The following CDH13 variants were observed in gnomAD, a reference collection of about 807,000 sequenced individuals.
The protein encoded by CDH13 is cadherin 13.
In CDH13, 24 loss-of-function variants were observed where a neutral mutation model predicts 63.8. The observed-to-expected ratio is 0.38, with a 90% CI of 0.27 to 0.53. The LOEUF (loss-of-function observed/expected upper bound fraction) is 0.53. Ranked by LOEUF, CDH13 falls within the 20% of genes least tolerant of loss-of-function variation. The pLI, the probability that CDH13 is intolerant of heterozygous loss-of-function variation, is 0.85. For missense variants in CDH13, 1,049 were observed against 903.1 expected, an observed-to-expected ratio of 1.16 and a Z score of -2.07; for synonymous variants, 503 against 355.3, an observed-to-expected ratio of 1.42 and a Z score of -4.67.
intron 6 of CDH13, among the ~76,000 whole-genome samples, chr16:83,441,263 G>A (rs957043574): frequency 6.6e-6 from 1 of 152,062 alleles, no homozygotes; most frequent in African/African-American, 2.4e-5. Context: ...GTACCACTCT[G>A]GTAATGAAAT....
intron 6 of CDH13, among the ~76,000 whole-genome samples, chr16:83,348,363 A>G (rs918139359): frequency 2.0e-5 from 3 of 152,212 alleles, no homozygotes; most frequent in Admixed American, 6.5e-5. Flanking sequence ...TGAAATAGCC[A>G]GGCCCATTGA....
intron 5 of CDH13, among the ~76,000 whole-genome samples, chr16:83,233,267 A>G (rs1219006148): frequency 1.3e-5 from 2 of 152,180 alleles, no homozygotes; most frequent in East Asian, 3.8e-4. Flanking sequence ...CCCACAGGCT[A>G]TGCGTGAAGC....
intron 5 of CDH13, among the ~76,000 whole-genome samples, chr16:83,280,245 T>A (rs796258980): frequency 2.8e-4 from 43 of 152,350 alleles, no homozygotes; most frequent in African/African-American, 1.0e-3. Flanking sequence ...GCTGCTGCTT[T>A]GTCGACTAAA....
At chr16:83,460,313 C>T (rs550441169) in intron 6 of CDH13, among the ~76,000 whole-genome samples, 51 of 152,332 alleles carry the variant, frequency 3.3e-4, no homozygotes, top group African/African-American at 1.2e-3. Context: ...ATTTGTACAA[C>T]AACTTTGAAG....
chr16:82,682,259 C>T (rs931165815), intron 1 of CDH13, among the ~76,000 whole-genome samples: 1 of 152,258 alleles, frequency 6.6e-6, no homozygotes, highest in South Asian at 2.1e-4. Flanking sequence ...TTCCCAGGCC[C>T]CACCCATCAA....
At chr16:82,857,067 A>G (rs2039732674) in intron 1 of CDH13, among the ~76,000 whole-genome samples, 1 of 152,178 alleles carries the variant, frequency 6.6e-6, no homozygotes, top group Admixed American at 6.5e-5. Flanking sequence ...GAAAAAATGC[A>G]AAGTCCTGCA....
At chr16:82,856,264 T>C (rs2039681799) in intron 1 of CDH13, among the ~76,000 whole-genome samples, 1 of 150,900 alleles carries the variant, frequency 6.6e-6, no homozygotes, top group Non-Finnish European at 1.5e-5. Flanking sequence ...TAGTCCCACT[T>C]ACTCGGGAGG....
At chr16:83,678,106 T>C in intron 9 of CDH13, 102 bp from the exon 10 acceptor site, 2 of 1,251,346 alleles carry the variant, frequency 1.6e-6, no homozygotes, top group Non-Finnish European at 2.2e-6. Flanking sequence ...GCTCCATCCC[T>C]GAAGGCCCAC....
At chr16:83,394,337 G>C (rs928042303) in intron 6 of CDH13, among the ~76,000 whole-genome samples, 1 of 152,108 alleles carries the variant, frequency 6.6e-6, no homozygotes, top group African/African-American at 2.4e-5. Context: ...AAAGCTGCTT[G>C]TCTGGGAAAG....
chr16:83,463,490 T>C (rs1295752559), intron 6 of CDH13, among the ~76,000 whole-genome samples: 1 of 152,168 alleles, frequency 6.6e-6, no homozygotes, highest in African/African-American at 2.4e-5. Context: ...ACACAGGCTC[T>C]TGAAGCTTTC....
At chr16:83,059,794 T>TG (rs2031345123) in intron 3 of CDH13, among the ~76,000 whole-genome samples, 1 of 73,064 alleles carries the variant, frequency 1.4e-5, no homozygotes, top group African/African-American at 6.1e-5. Context: ...TTTTTGTTTG[T>TG]TTTTTTTTTT....
chr16:82,895,260 T>C (rs1302207168), intron 2 of CDH13, among the ~76,000 whole-genome samples: 1 of 152,122 alleles, frequency 6.6e-6, no homozygotes, highest in Non-Finnish European at 1.5e-5. Context: ...TCTCTAAAAA[T>C]TTACCTTTTT....
chr16:83,094,360 A>G (rs1478312064), intron 3 of CDH13, among the ~76,000 whole-genome samples: 1 of 152,190 alleles, frequency 6.6e-6, no homozygotes. Context: ...CATTATTTTC[A>G]CGCCTGAAAG....
chr16:83,597,268 T>G (rs1401446569), intron 7 of CDH13, among the ~76,000 whole-genome samples: 1 of 152,136 alleles, frequency 6.6e-6, no homozygotes, highest in African/African-American at 2.4e-5. Context: ...GCAACCCAAA[T>G]GTTCATCCAG....
intron 7 of CDH13, among the ~76,000 whole-genome samples, chr16:83,499,038 G>GTGAT (rs2074212118): frequency 6.6e-6 from 1 of 152,136 alleles, no homozygotes; most frequent in African/African-American, 2.4e-5. Flanking sequence ...GTTTTTTGAT[G>GTGAT]CAGAAGTTTC....
intron 5 of CDH13, among the ~76,000 whole-genome samples, chr16:83,262,294 G>A (rs142378202): frequency 1.4e-4 from 22 of 152,302 alleles, no homozygotes; most frequent in South Asian, 4.2e-4. Context: ...TTGCCCATGG[G>A]GGGAGGACAT....
At chr16:83,274,576 G>C (rs903911874) in intron 5 of CDH13, among the ~76,000 whole-genome samples, 2 of 152,162 alleles carry the variant, frequency 1.3e-5, no homozygotes, top group Non-Finnish European at 2.9e-5. Flanking sequence ...AAGGGATTCT[G>C]TCTTTCCCCC....
chr16:83,368,079 T>C (rs549796622), intron 6 of CDH13, among the ~76,000 whole-genome samples: 1 of 152,334 alleles, frequency 6.6e-6, no homozygotes, highest in African/African-American at 2.4e-5. Flanking sequence ...GATTATTCAT[T>C]GTTATTATAT....
At chr16:83,168,193 C>T (rs182207278) in intron 4 of CDH13, among the ~76,000 whole-genome samples, 91 of 151,810 alleles carry the variant, frequency 6.0e-4, no homozygotes, top group African/African-American at 2.1e-3. Context: ...GAATCTAAAA[C>T]GAAAGTTGAA....
Sources: allele counts gnomAD v4.1 joint callset (sites outside exome capture counted in the v4.1 genomes callset), GRCh38; gene constraint gnomAD v4.1.1; transcripts MANE v1.5; gene names NCBI Gene and HGNC (gene_info 2026-07-23, HGNC 2026-07-21).